Variants in SH2B2 observed in about 807,000 individuals in gnomAD.
SH2B2 encodes SH2B adapter protein 2.
Under a neutral mutation model 35.7 loss-of-function variants are expected in SH2B2, and 37 were observed. The observed-to-expected ratio is 1.04, with a 90% confidence interval of 0.80 to 1.36. The LOEUF (loss-of-function observed/expected upper bound fraction) is 1.36, where lower values mean the gene tolerates loss of function less well. Ranked by LOEUF, SH2B2 falls within the 40% of genes most tolerant of loss-of-function variation. The pLI, the probability that SH2B2 is intolerant of heterozygous loss-of-function variation, is 0.00. For synonymous variants in SH2B2, 383 were observed against 376.4 expected (o/e 1.02, Z -0.20); for missense variants, 852 against 817.7 (o/e 1.04, Z -0.51).
intron 7 of SH2B2, among the ~76,000 whole-genome samples, chr7:102,319,741 G>A (rs1458021864): frequency 1.3e-5 from 2 of 152,110 alleles, no homozygotes; most frequent in Non-Finnish European, 2.9e-5. Context: ...GACACCACAG[G>A]CCTATGGTTT....
rs1189058736 is a variant in SH2B2 at position 102,305,880 on chromosome 7, C to CT, written c.730-829dup. ...TGCAAGGTGACTATAGGAGGAGGTC[C>CT]TTTTTTTTTTTTCTTTTTTTTTTTT... On this transcript the variant is annotated intron_variant, in intron 2 of 8. Coordinates refer to ENST00000444095, the MANE Select transcript of SH2B2 (RefSeq NM_001359228.2). Among the ~76,000 whole-genome samples, 700 of 125,960 alleles carry CT rather than the reference C, an allele frequency of 5.6e-3. 7 individuals are homozygous for CT. Among genetic ancestry groups the CT allele is most frequent in the African/African-American group, 0.018 (597 of 33,878 alleles). 82.6% of individuals were successfully genotyped at this position (125,960 alleles called of 152,430 possible). A position where few individuals can be genotyped will look rare whatever the true frequency, so the allele number is the denominator to read the frequency against.
At chr7:102,304,170 C>T (rs1554554434) in intron 2 of SH2B2, among the ~76,000 whole-genome samples, 1 of 152,192 alleles carries the variant, frequency 6.6e-6, no homozygotes, top group Admixed American at 6.5e-5. Flanking sequence ...GATCTCTTGC[C>T]TCCAAGAGGC....
chr7:102,300,994 G>T lies in SH2B2; in HGVS notation c.444G>T (p.Val148=). ...RNMSLCVVDG[V]RDMWHRRASP... ...TGAGCCTGTGCGTGGTGGACGGCGT[G>T]CGCGACATGTGGCACCGGCGCGCCT... The change falls in exon 2 of 9, where the codon GTG becomes GTT. Residue 148 remains valine, a synonymous_variant. Coordinates refer to ENST00000444095, the MANE Select transcript of SH2B2 (RefSeq NM_001359228.2). 1 of 1,441,426 alleles carries T rather than the reference G, an allele frequency of 6.9e-7. No homozygotes were observed. The highest frequency in any genetic ancestry group is 9.1e-7 in the Non-Finnish European group (1 of 1,099,924). 89.3% of individuals were successfully genotyped at this position (1,441,426 alleles called of 1,614,324 possible).
intron 1 of SH2B2, among the ~76,000 whole-genome samples, chr7:102,287,765 G>A (rs1182236283): frequency 1.3e-5 from 2 of 152,168 alleles, no homozygotes; most frequent in Non-Finnish European, 2.9e-5. Flanking sequence ...AACCGCGCCA[G>A]CCCAGCGGGC....
chr7:102,295,628 A>G (rs1318926933), intron 1 of SH2B2, among the ~76,000 whole-genome samples: 1 of 152,194 alleles, frequency 6.6e-6, no homozygotes, highest in African/African-American at 2.4e-5. Context: ...GAAGTACCCT[A>G]TAACTGGCAC....
chr7:102,307,730 C>T (rs1793458317), intron 3 of SH2B2, among the ~76,000 whole-genome samples: 1 of 151,790 alleles, frequency 6.6e-6, no homozygotes, highest in Admixed American at 6.6e-5. Flanking sequence ...ACCCTCCCAG[C>T]TCTGTCATCC....
At chr7:102,308,749 T>C (rs1366064436) in intron 3 of SH2B2, 66 bp from the exon 4 acceptor site, 30 of 1,188,538 alleles carry the variant, frequency 2.5e-5, no homozygotes, top group Middle Eastern at 1.9e-4. Flanking sequence ...ACTCTGACCC[T>C]ATGTCCTGTG....
intron 1 of SH2B2, among the ~76,000 whole-genome samples, chr7:102,295,726 G>C (rs528450344): frequency 6.6e-6 from 1 of 152,158 alleles, no homozygotes; most frequent in Non-Finnish European, 1.5e-5. Flanking sequence ...GAGGGGTGTC[G>C]GGAGGCTTCC....
chr7:102,314,651 G>C lies in SH2B2; in HGVS notation c.1155G>C (p.Pro385=). 1 of 398,496 alleles carries C rather than the reference G, an allele frequency of 2.5e-6. No homozygotes were observed. Among genetic ancestry groups the C allele is most frequent in the Non-Finnish European group, 4.4e-6 (1 of 226,072 alleles). The allele number at this position is 398,496 out of a possible 1,614,324, so 24.7% of individuals were successfully genotyped here. A position where few individuals can be genotyped will look rare whatever the true frequency, so the allele number is the denominator to read the frequency against. Reference sequence around the variant, plus strand: ...CCTTTCTGCAGACCCTGGAATCCCCGGGCGGCAGCGGCAGTGACAGCAATA... The same window carrying C: ...CCTTTCTGCAGACCCTGGAATCCCCCGGCGGCAGCGGCAGTGACAGCAATA... The part of the protein sequence containing the change: ...LETFLQTLES[P]GGSGSDSNNT... Residue 385 remains proline (P), a synonymous_variant, in exon 6 of 9, where the codon CCG becomes CCC. Coordinates refer to ENST00000444095, the MANE Select transcript of SH2B2 (RefSeq NM_001359228.2).
chr7:102,286,787 G>A (rs1248567750), upstream of SH2B2: 1 of 110,768 alleles, frequency 9.0e-6, no homozygotes, highest in East Asian at 2.3e-4. Context: ...CAGGACGCGC[G>A]AGGGGGGGCG....
At chr7:102,317,772 G>T (rs551106286) in intron 7 of SH2B2, among the ~76,000 whole-genome samples, 1 of 152,172 alleles carries the variant, frequency 6.6e-6, no homozygotes, top group Non-Finnish European at 1.5e-5. Flanking sequence ...TCGCCCAGTG[G>T]GGGGTGGGAG....
At chr7:102,316,600 T>C (rs1459523715) in intron 6 of SH2B2, among the ~76,000 whole-genome samples, 1 of 130,662 alleles carries the variant, frequency 7.7e-6, no homozygotes, top group East Asian at 2.3e-4. Context: ...CAAAAAAATA[T>C]TCAGGCCAGG....
intron 7 of SH2B2, 28 bp from the exon 8 acceptor site, chr7:102,320,303 C>T (rs1169441035): frequency 1.1e-5 from 17 of 1,590,626 alleles, no homozygotes; most frequent in Non-Finnish European, 1.3e-5. Flanking sequence ...CCGGACCTGC[C>T]CCTGACCACA....
At position 102,317,363 on chromosome 7, in the gene SH2B2, G is replaced by A. The variant is rs782671132; in HGVS notation, c.1363G>A (p.Val455Met). The A allele has an allele frequency of 1.2e-5, 19 of 1,594,304 alleles. No homozygotes were observed. The highest frequency in any genetic ancestry group is 3.4e-5 in the Admixed American group (2 of 59,242). The change falls in exon 7 of 9, where the codon GTG becomes ATG. Residue 455 changes from valine (V) to methionine (M), a missense_variant. Physicochemically the swap from Val to Met is conservative, Grantham distance 21. This residue lies in a region of SH2B2 where 556 missense variants were observed against 514.5 expected (regional missense o/e 1.08). Transcript: ENST00000444095. ...AAGTGAGACTCGGCCTGGGGAGTAC[G>A]TGCTGACCTTCAACTTCCAGGGCAA... Reference protein sequence around the residue: ...RQSETRPGEYVLTFNFQGKAK... With the variant: ...RQSETRPGEYMLTFNFQGKAK...
chr7:102,296,419 T>C (rs1204638232), intron 1 of SH2B2, among the ~76,000 whole-genome samples: 1 of 152,144 alleles, frequency 6.6e-6, no homozygotes, highest in Non-Finnish European at 1.5e-5. Flanking sequence ...GGATGGTCGC[T>C]TGTCCCCCAA....
intron 2 of SH2B2, among the ~76,000 whole-genome samples, chr7:102,303,967 G>A (rs782328144): frequency 6.6e-6 from 1 of 152,062 alleles, no homozygotes; most frequent in Non-Finnish European, 1.5e-5. Flanking sequence ...CCCCTCCTTT[G>A]TGTCATGCAA....
chr7:102,288,454 C>G (rs148726517), intron 1 of SH2B2, among the ~76,000 whole-genome samples: 1 of 152,132 alleles, frequency 6.6e-6, no homozygotes, highest in African/African-American at 2.4e-5. Flanking sequence ...CGTGGCAGGC[C>G]GGCTTCTGAT....
In SH2B2 at chr7:102,300,582, C is replaced by T. The variant is rs1351531158; in HGVS notation, c.32C>T (p.Ala11Val). MNGAGPGPAA[A>V]APVPVPVPVP... ...GGTGCCGGCCCTGGCCCCGCCGCAG[C>T]CGCCCCGGTCCCAGTCCCGGTCCCG... The change falls in exon 2 of 9, where the codon GCC becomes GTC. Residue 11 changes from alanine to valine, a missense_variant. By Grantham distance (64) the Ala-to-Val change is moderately conservative. Transcript: ENST00000444095. 3.2e-6 allele frequency: 5 copies of T among 1,549,462 alleles called. No individual in the cohort carries two copies. The highest frequency in any genetic ancestry group is 1.7e-4 in the Middle Eastern group (1 of 6,008).
At chr7:102,317,550 C>T (rs974478783) in intron 7 of SH2B2, 155 bp downstream of exon 7, 24 of 620,762 alleles carry the variant, frequency 3.9e-5, no homozygotes, top group Admixed American at 1.3e-4. Flanking sequence ...AGCCATGCTC[C>T]GTGAGCCACC....
Sources: gnomAD v4.1 joint callset for allele counts (sites outside exome capture counted in the v4.1 genomes callset) on GRCh38, gnomAD v4.1.1 for gene constraint, gnomAD v4.1.1 regional missense constraint, MANE v1.5 for transcripts, NCBI Gene and HGNC (gene_info 2026-07-23, HGNC 2026-07-21) for gene names.